DDX4: variants seen among roughly 807,000 people sequenced by gnomAD.
DDX4 encodes DEAD-box helicase 4.
A neutral mutation model predicts 100.0 loss-of-function variants in DDX4; 25 were observed. That is an observed-to-expected ratio of 0.25 (90% CI 0.18 to 0.35). The LOEUF (loss-of-function observed/expected upper bound fraction) is 0.35. DDX4 is among the 10% of genes least tolerant of loss of function. DDX4 has a pLI of 1.00. For synonymous variants in DDX4, 259 were observed against 275.7 expected (o/e 0.94, Z 0.60); for missense variants, 635 against 882.4 (o/e 0.72, Z 3.55).
At chr5:55,740,196 G>A (rs1015898373) in intron 2 of DDX4, among the ~76,000 whole-genome samples, 1 of 152,116 alleles carries the variant, frequency 6.6e-6, no homozygotes, top group Non-Finnish European at 1.5e-5. Flanking sequence ...TTGATACAGT[G>A]TCTTGCTCTG....
intron 2 of DDX4, among the ~76,000 whole-genome samples, chr5:55,742,713 A>G (rs1190070242): frequency 1.3e-5 from 2 of 152,222 alleles, no homozygotes; most frequent in East Asian, 1.9e-4. Flanking sequence ...AAGACCTATG[A>G]TTCATTCAAC....
chr5:55,793,712 T>C (rs1258657542), intron 17 of DDX4, among the ~76,000 whole-genome samples: 2 of 152,240 alleles, frequency 1.3e-5, no homozygotes, highest in East Asian at 1.9e-4. Flanking sequence ...TCATGCACCA[T>C]ATATGGATAT....
intron 3 of DDX4, among the ~76,000 whole-genome samples, chr5:55,752,036 T>A (rs1271719795): frequency 6.6e-6 from 1 of 152,176 alleles, no homozygotes; most frequent in Non-Finnish European, 1.5e-5. Flanking sequence ...AAAAGGAATC[T>A]TTGACGCTAA....
intron 18 of DDX4, among the ~76,000 whole-genome samples, chr5:55,806,545 A>G (rs1743737057): frequency 6.6e-6 from 1 of 152,210 alleles, no homozygotes; most frequent in Admixed American, 6.5e-5. Context: ...CATTGGTTTC[A>G]AAGAACATCT....
chr5:55,758,516 C>A (rs1054018768), intron 3 of DDX4, among the ~76,000 whole-genome samples: 2 of 152,110 alleles, frequency 1.3e-5, no homozygotes, highest in Non-Finnish European at 2.9e-5. Context: ...AAAACCCGAT[C>A]TCTCTGCATC....
At chr5:55,766,441 T>TTG (rs1740930457) in intron 6 of DDX4, among the ~76,000 whole-genome samples, 1 of 151,258 alleles carries the variant, frequency 6.6e-6, no homozygotes, top group African/African-American at 2.4e-5. Context: ...TAGTTTTGTT[T>TTG]TTTTTTTTTT....
intron 18 of DDX4, among the ~76,000 whole-genome samples, chr5:55,810,121 G>A (rs1392405497): frequency 6.7e-6 from 1 of 150,234 alleles, no homozygotes; most frequent in Non-Finnish European, 1.5e-5. Flanking sequence ...TTCTTTTTTT[G>A]GAGACGGAGT....
Position 55,786,515 on chromosome 5 carries a change from C to T in DDX4, c.865-3C>T. On this transcript the variant is annotated splice_region_variant and splice_polypyrimidine_tract_variant and intron_variant, in intron 13 of 21. Transcript: ENST00000505374. The stretch of plus-strand genomic sequence containing the variant: ...TAATCACTGCTTTTTTTTAAATTTT[C>T]AGACTTTTGAAGAAGCTAATCTCTG... 1 of 1,604,664 alleles carries T rather than the reference C, an allele frequency of 6.2e-7. No homozygotes were observed. The highest frequency in any genetic ancestry group is 1.7e-5 in the Admixed American group (1 of 58,404).
At chr5:55,773,579 A>G (rs544367671) in intron 7 of DDX4, among the ~76,000 whole-genome samples, 1 of 150,192 alleles carries the variant, frequency 6.7e-6, no homozygotes, top group African/African-American at 2.4e-5. Context: ...TGTTTTTTTA[A>G]TTATAGCCAT....
intron 10 of DDX4, among the ~76,000 whole-genome samples, chr5:55,782,984 G>A (rs1382950709): frequency 1.3e-5 from 2 of 151,556 alleles, no homozygotes; most frequent in African/African-American, 4.8e-5. Flanking sequence ...TAGTAGAGAT[G>A]GGGTTTCACC....
At chr5:55,752,873 A>G (rs1205068881) in intron 3 of DDX4, among the ~76,000 whole-genome samples, 12 of 149,894 alleles carry the variant, frequency 8.0e-5, no homozygotes, top group Non-Finnish European at 1.3e-4. Flanking sequence ...AATGATTGCC[A>G]TTCTAACTGG....
intron 15 of DDX4, among the ~76,000 whole-genome samples, chr5:55,790,138 C>CTTTTT (rs35365600): frequency 3.9e-5 from 4 of 102,028 alleles, no homozygotes; most frequent in African/African-American, 1.2e-4. Context: ...AAAATATCAC[C>CTTTTT]TTTTTTTTTT....
At chr5:55,751,265 G>C (rs1580516899) in intron 3 of DDX4, among the ~76,000 whole-genome samples, 1 of 152,112 alleles carries the variant, frequency 6.6e-6, no homozygotes, top group South Asian at 2.1e-4. Flanking sequence ...ACAGGGCCTT[G>C]CTCTGTTGTC....
At chr5:55,762,238 C>T (rs1740605893) in intron 4 of DDX4, among the ~76,000 whole-genome samples, 1 of 152,028 alleles carries the variant, frequency 6.6e-6, no homozygotes, top group African/African-American at 2.4e-5. Flanking sequence ...TAGTTTAAAG[C>T]ATCATTTTAT....
rs928425041 is a variant in DDX4, at chr5:55,785,976, G to A, written c.864+105G>A. 2.1e-4 allele frequency: 153 copies of A among 716,718 alleles called. 1 individual carries two copies. Among genetic ancestry groups the A allele is most frequent in the Admixed American group, 1.3e-4 (5 of 38,840 alleles). The allele number at this position is 716,718 out of a possible 1,614,324, so 44.4% of individuals were successfully genotyped here. Reference sequence around the variant, plus strand: ...TATCAACACATAGATTTCACCTTTCGTATATAAGGTCTTAGGTTGGAAATT... The same window carrying A: ...TATCAACACATAGATTTCACCTTTCATATATAAGGTCTTAGGTTGGAAATT... On this transcript the variant is annotated intron_variant, in intron 13 of 21. Coordinates refer to ENST00000505374, the MANE Select transcript of DDX4 (RefSeq NM_024415.3).
chr5:55,745,633 G>A (rs865780156), intron 2 of DDX4, among the ~76,000 whole-genome samples: 8 of 152,000 alleles, frequency 5.3e-5, no homozygotes, highest in African/African-American at 1.2e-4. Context: ...ATGTTGCCCC[G>A]GCTGGTCTTG....
Position 55,745,234 on chromosome 5 carries a change from G to A in DDX4, c.70-930G>A, listed in dbSNP as rs183395547. 2.2e-3 allele frequency among the ~76,000 whole-genome samples: 329 copies of A among 152,160 alleles called. 1 individual carries two copies. The highest frequency in any genetic ancestry group is 6.0e-3 in the African/African-American group (248 of 41,530). On this transcript the variant is annotated intron_variant, in intron 2 of 21. Coordinates refer to ENST00000505374, the MANE Select transcript of DDX4 (RefSeq NM_024415.3). ...ACCATTAATTGGTTTCACTATAAAT[G>A]CAGTAGAGATTTTAAAAATTTCTGT...
In DDX4 at chr5:55,796,843, T is replaced by G. The variant is rs1561510402; in HGVS notation, c.1470-1583T>G. ...TCTTTCTTTTTTTTTTTTTTTTTTT[T>G]TTTTTTTTTTTTTTGGAGACAAGGT... On this transcript the variant is annotated intron_variant, in intron 17 of 21. Coordinates refer to ENST00000505374, the MANE Select transcript of DDX4 (RefSeq NM_024415.3). Among the ~76,000 whole-genome samples, 4 of 105,260 alleles carry G rather than the reference T, an allele frequency of 3.8e-5. No individual in the cohort carries two copies. In the East Asian group the frequency reaches 1.0e-3, roughly 27 times the overall value. 69.1% of individuals were successfully genotyped at this position (105,260 alleles called of 152,430 possible). A position where few individuals can be genotyped will look rare whatever the true frequency, so the allele number is the denominator to read the frequency against.
At position 55,813,730 on chromosome 5, in the gene DDX4, C is replaced by T. The variant is rs751550141; in HGVS notation, c.1673C>T (p.Thr558Ile). ...AAGAAAAAAGCAGATTTTATTGCAA[C>T]TTTTCTTTGTCAAGAAAAAATATCA... ...ETKKKADFIA[T>I]FLCQEKISTT... The change falls in exon 19 of 22, where the codon ACT (threonine) becomes ATT (isoleucine). Residue 558 changes from threonine to isoleucine, a missense_variant. Physicochemically the swap from Thr to Ile is moderately conservative, Grantham distance 89. Around this residue, in one of 4 missense-constraint regions of DDX4, gnomAD observed 115 missense variants for 224.7 expected, o/e 0.51. Coordinates refer to ENST00000505374, the MANE Select transcript of DDX4 (RefSeq NM_024415.3). 1.3e-6 allele frequency: 2 copies of T among 1,598,544 alleles called. No individual in the cohort carries two copies. The highest frequency in any genetic ancestry group is 3.5e-5 in the Admixed American group (2 of 57,762).
Sources: allele counts gnomAD v4.1 joint callset (sites outside exome capture counted in the v4.1 genomes callset), GRCh38; gene constraint gnomAD v4.1.1; regional missense constraint gnomAD v4.1.1; transcripts MANE v1.5; gene names NCBI Gene and HGNC (gene_info 2026-07-23, HGNC 2026-07-21).